The following PTPN12 variants were observed in gnomAD, a reference collection of about 807,000 sequenced individuals.
The protein encoded by PTPN12 is tyrosine-protein phosphatase non-receptor type 12.
A neutral mutation model predicts 97.6 loss-of-function variants in PTPN12; 29 were observed. The observed-to-expected ratio is 0.30, with a 90% CI of 0.22 to 0.41. PTPN12 has a LOEUF of 0.41. Ranked by LOEUF, PTPN12 falls within the 10% of genes least tolerant of loss-of-function variation. The pLI is 1.00. For missense variants in PTPN12, 819 were observed against 926.0 expected, an observed-to-expected ratio of 0.88 and a Z score of 1.50; for synonymous variants, 327 against 300.4, an observed-to-expected ratio of 1.09 and a Z score of -0.91.
chr7:77,569,026 T>C (rs1808368338), intron 1 of PTPN12, among the ~76,000 whole-genome samples: 1 of 152,178 alleles, frequency 6.6e-6, no homozygotes, highest in Admixed American at 6.5e-5. Flanking sequence ...TTTTCTACTG[T>C]CCTTTTTTAT....
chr7:77,596,896 C>T lies in PTPN12; in HGVS notation c.493-946C>T, dbSNP rs117523465. Among the ~76,000 whole-genome samples the T allele has an allele frequency of 9.7e-3, 1,471 of 152,258 alleles. 21 individuals are homozygous for T. The highest frequency in any genetic ancestry group is 0.015 in the Non-Finnish European group (1,012 of 68,008). The stretch of plus-strand genomic sequence containing the variant: ...ACAAGTCATTATCACCAAGAGTTCA[C>T]ATTTTACATTAGGGTTCATTCTTGG... On this transcript the variant is annotated intron_variant, in intron 6 of 17. Transcript: ENST00000248594.
Position 77,581,554 on chromosome 7 carries a change from C to T in PTPN12, c.285+51C>T, listed in dbSNP as rs745825423. 20 of 1,188,432 alleles carry T rather than the reference C, an allele frequency of 1.7e-5. No homozygotes were observed. In the African/African-American group the frequency reaches 1.7e-4, roughly 10 times the overall value. 73.6% of individuals were successfully genotyped at this position (1,188,432 alleles called of 1,614,324 possible). A position where few individuals can be genotyped will look rare whatever the true frequency, so the allele number is the denominator to read the frequency against. On this transcript the variant is annotated intron_variant, in intron 3 of 17. Transcript: ENST00000248594. ...TCTCTGCCATATTAATGTCTTTCTA[C>T]ATACTAGTTTTGTAAAAACTTTTTG...
At chr7:77,551,684 C>T (rs1378846353) in intron 1 of PTPN12, among the ~76,000 whole-genome samples, 2 of 152,224 alleles carry the variant, frequency 1.3e-5, no homozygotes, top group African/African-American at 4.8e-5. Context: ...AACTTTGCTT[C>T]ACCATTCTTC....
rs1029623518 is a variant in PTPN12 at position 77,599,911 on chromosome 7, A to G, written c.553-753A>G. Among the ~76,000 whole-genome samples, 6 of 152,202 alleles carry G rather than the reference A, an allele frequency of 3.9e-5. No individual in the cohort carries two copies. The East Asian group carries it at 7.7e-4, about 20-fold the overall frequency. Reference sequence around the variant, plus strand: ...TTCTTCAAAGTTATTGAGGATCCCAAAGTTTTTGTTTCTGGGGGTTGTATC... The same window carrying G: ...TTCTTCAAAGTTATTGAGGATCCCAGAGTTTTTGTTTCTGGGGGTTGTATC... On this transcript the variant is annotated intron_variant, in intron 7 of 17. Transcript: ENST00000248594.
intron 1 of PTPN12, among the ~76,000 whole-genome samples, chr7:77,544,662 G>T (rs1230232512): frequency 6.6e-6 from 1 of 152,184 alleles, no homozygotes; most frequent in African/African-American, 2.4e-5. Context: ...CTGTGTTTCT[G>T]TAGCACTGAG....
Position 77,597,935 on chromosome 7 carries a change from A to G in PTPN12, c.552+34A>G. ...TTACCATTTATAGACTATCTGTAAG[A>G]ATAGTTTTCAGGCTGGGTGCAGTGG... On this transcript the variant is annotated intron_variant, in intron 7 of 17. Transcript: ENST00000248594. 4.4e-6 allele frequency: 7 copies of G among 1,602,298 alleles called. No homozygotes were observed. The Admixed American group carries it at 6.9e-5, about 16-fold the overall frequency.
intron 14 of PTPN12, among the ~76,000 whole-genome samples, chr7:77,634,912 G>A (rs2151408839): frequency 6.6e-6 from 1 of 151,988 alleles, no homozygotes; most frequent in African/African-American, 2.4e-5. Flanking sequence ...GTTCCACTCT[G>A]TCACTCAGGC....
intron 1 of PTPN12, among the ~76,000 whole-genome samples, chr7:77,568,614 G>C (rs1808351991): frequency 6.6e-6 from 1 of 152,208 alleles, no homozygotes; most frequent in African/African-American, 2.4e-5. Flanking sequence ...CTGCATTCCA[G>C]TTTAGACAAC....
At chr7:77,592,298 C>A in intron 6 of PTPN12, 42 bp downstream of exon 6, 2 of 1,429,164 alleles carry the variant, frequency 1.4e-6, no homozygotes, top group Non-Finnish European at 1.9e-6. Flanking sequence ...AGAAAATTGG[C>A]ATGCTATACT....
At chr7:77,553,849 C>T (rs1807581973) in intron 1 of PTPN12, among the ~76,000 whole-genome samples, 2 of 80,304 alleles carry the variant, frequency 2.5e-5, no homozygotes, top group Non-Finnish European at 2.2e-5. Flanking sequence ...TTCTTTGTTC[C>T]TATTTTTTTT....
At chr7:77,545,873 C>G (rs1247654614) in intron 1 of PTPN12, 2 of 152,076 alleles carry the variant, frequency 1.3e-5, no homozygotes, top group Non-Finnish European at 2.9e-5. Context: ...TGAAATCTTG[C>G]TTATCTGTGG....
intron 6 of PTPN12, chr7:77,592,483 G>C: frequency 2.5e-6 from 1 of 405,380 alleles, no homozygotes; most frequent in Non-Finnish European, 4.3e-6. Context: ...TTGATTGTGT[G>C]TTAGTCTTTG....
At chr7:77,568,175 A>G (rs893409892) in intron 1 of PTPN12, among the ~76,000 whole-genome samples, 2 of 152,262 alleles carry the variant, frequency 1.3e-5, no homozygotes, top group Admixed American at 6.5e-5. Context: ...AAGAAATGGC[A>G]TGCTAGGCTT....
At chr7:77,629,908 T>G (rs1789337922) in intron 13 of PTPN12, among the ~76,000 whole-genome samples, 2 of 146,840 alleles carry the variant, frequency 1.4e-5, no homozygotes, top group African/African-American at 5.1e-5. Context: ...GTCCCGGCAC[T>G]CTGCCTGGGC....
intron 2 of PTPN12, among the ~76,000 whole-genome samples, chr7:77,572,694 A>T (rs2151320500): frequency 6.6e-6 from 1 of 152,170 alleles, no homozygotes; most frequent in Non-Finnish European, 1.5e-5. Flanking sequence ...CCTTGGACTG[A>T]TCCTCTCTGT....
At chr7:77,632,258 G>A (rs1789424134) in intron 13 of PTPN12, 90 bp from the exon 14 acceptor site, 2 of 990,744 alleles carry the variant, frequency 2.0e-6, no homozygotes, top group African/African-American at 1.6e-5. Flanking sequence ...CTAGATATTT[G>A]TGACAGGAAT....
intron 9 of PTPN12, among the ~76,000 whole-genome samples, chr7:77,607,678 T>C (rs192480399): frequency 2.0e-5 from 3 of 152,312 alleles, no homozygotes; most frequent in Admixed American, 2.0e-4. Context: ...GACAGTGTTC[T>C]AGGTGAGTGA....
At chr7:77,623,024 A>G (rs1489717689) in intron 12 of PTPN12, among the ~76,000 whole-genome samples, 1 of 151,084 alleles carries the variant, frequency 6.6e-6, no homozygotes, top group Non-Finnish European at 1.5e-5. Context: ...AAAAAAAAAA[A>G]GAAGAAAAAA....
intron 6 of PTPN12, among the ~76,000 whole-genome samples, chr7:77,596,725 T>A (rs959390162): frequency 6.6e-6 from 1 of 152,214 alleles, no homozygotes; most frequent in Admixed American, 6.5e-5. Context: ...AAGACTATTT[T>A]TTTTAGAGCA....
Sources: allele counts gnomAD v4.1 joint callset (sites outside exome capture counted in the v4.1 genomes callset), GRCh38; gene constraint gnomAD v4.1.1; transcripts MANE v1.5; gene names NCBI Gene and HGNC (gene_info 2026-07-23, HGNC 2026-07-21).